B4GALT1: variants seen among roughly 807,000 people sequenced by gnomAD.
B4GALT1 encodes N-acetyllactosamine synthase.
In B4GALT1, 16 loss-of-function variants were observed where a neutral mutation model predicts 34.9. The ratio of observed to expected loss-of-function variants is 0.46; its 90% CI spans 0.31 to 0.70. The LOEUF (loss-of-function observed/expected upper bound fraction) is 0.70, where lower values mean the gene tolerates loss of function less well. Among genes scored for constraint, B4GALT1 ranks in the 30% least tolerant of loss-of-function variants. The probability of loss-of-function intolerance (pLI) is 0.05; values close to 1 mark genes in which losing one functional copy is unlikely to be tolerated. For synonymous variants in B4GALT1, 221 were observed against 218.1 expected, an observed-to-expected ratio of 1.01 and a Z score of -0.12; for missense variants, 445 against 530.5, an observed-to-expected ratio of 0.84 and a Z score of 1.58.
chr9:33,120,351 G>T (rs1440321007), intron 3 of B4GALT1, 68 bp downstream of exon 3: 4 of 1,569,680 alleles, frequency 2.5e-6, no homozygotes, highest in Non-Finnish European at 3.5e-6. Context: ...GAGCTGCCAG[G>T]ACTGCATTTC....
chr9:33,166,995 G>A lies in B4GALT1; in HGVS notation c.175C>T (p.Pro59Ser). The A allele has an allele frequency of 6.3e-7, 1 of 1,593,610 alleles. No individual in the cohort carries two copies. Residue 59 changes from proline (P) to serine (S), a missense_variant, in exon 1 of 6, where the codon CCG becomes TCG. By Grantham distance (74) the Pro-to-Ser change is moderately conservative (BLOSUM62 -1). Around this residue, in one of 3 missense-constraint regions of B4GALT1, gnomAD observed 349 missense variants for 395.5 expected, o/e 0.88. Transcript: ENST00000379731. ...RLPQLVGVST[P>S]LQGGSNSAAA... ...GCACTGTTCGAGCCGCCCTGCAGCGGTGTGGAGACTCCGACCAGTTGGGGC... is the reference window on the plus strand; with the variant it reads ...GCACTGTTCGAGCCGCCCTGCAGCGATGTGGAGACTCCGACCAGTTGGGGC...
intron 1 of B4GALT1, among the ~76,000 whole-genome samples, chr9:33,137,880 G>T (rs931764438): frequency 5.3e-5 from 8 of 152,172 alleles, no homozygotes; most frequent in African/African-American, 1.9e-4. Flanking sequence ...CTGGGCAAAG[G>T]CTACTGGGGG....
At chr9:33,109,074 G>A (rs1359872649), downstream of B4GALT1, among the ~76,000 whole-genome samples, 3 of 152,296 alleles carry the variant, frequency 2.0e-5, no homozygotes, top group South Asian at 4.1e-4. Context: ...CCTGGATGGG[G>A]ACTGGTCACC....
At chr9:33,178,139 G>A in the B4GALT1 span, among the ~76,000 whole-genome samples, 2 of 152,030 alleles carry the variant, frequency 1.3e-5, no homozygotes, top group African/African-American at 4.8e-5. Context: ...CTACAGGTGT[G>A]CGCCACCATT....
At chr9:33,130,027 C>T (rs1029542591) in intron 2 of B4GALT1, among the ~76,000 whole-genome samples, 2 of 152,066 alleles carry the variant, frequency 1.3e-5, no homozygotes, top group African/African-American at 4.8e-5. Context: ...TGGTCAGAAC[C>T]AGAAAAATCC....
At chr9:33,174,496 A>G in the B4GALT1 span, among the ~76,000 whole-genome samples, 1 of 152,048 alleles carries the variant, frequency 6.6e-6, no homozygotes, top group Non-Finnish European at 1.5e-5. Context: ...TGAAAATACA[A>G]AAATTAGCTG....
At chr9:33,142,836 AAACAAAG>A (rs1390891408) in intron 1 of B4GALT1, among the ~76,000 whole-genome samples, 1 of 152,186 alleles carries the variant, frequency 6.6e-6, no homozygotes, top group Non-Finnish European at 1.5e-5. Flanking sequence ...ACAGAGAGAA[AAACAAAG>A]AATTTGCTGA....
At chr9:33,109,851 C>A (rs145335741), downstream of B4GALT1, among the ~76,000 whole-genome samples, 2 of 152,176 alleles carry the variant, frequency 1.3e-5, no homozygotes, top group East Asian at 3.8e-4. Context: ...TATCTAGGGG[C>A]AGAACTGAAG....
Position 33,113,344 on chromosome 9 carries a change from A to G in B4GALT1, c.*110T>C. 6.7e-7 allele frequency: 1 copy of G among 1,498,958 alleles called. No homozygotes were observed. Among genetic ancestry groups the G allele is most frequent in the African/African-American group, 1.4e-5 (1 of 72,694 alleles). The allele number at this position is 1,498,958 out of a possible 1,614,324, so 92.9% of individuals were successfully genotyped here. On this transcript the variant is annotated 3_prime_UTR_variant, in exon 6 of 6. Coordinates refer to ENST00000379731, the MANE Select transcript of B4GALT1 (RefSeq NM_001497.4). ...GCCATCTGAATGATGAGCGAAGGGG[A>G]CCTGTCACTCAGACTGGTAAAAATG...
rs1204014313 is a variant in B4GALT1, at chr9:33,167,108, C to A, written c.62G>T (p.Arg21Leu). ...GACGGCCACGAGCAGGCGGCAGGCC[C>A]GCTGTAGGGACGCGCCTGGCATCGC... is the stretch of plus-strand genomic sequence containing the variant. ...SAAMPGASLQ[R>L]ACRLLVAVCA... The change falls in exon 1 of 6, where the codon CGG becomes CTG. Residue 21 changes from arginine (R) to leucine (L), a missense_variant. Coordinates refer to ENST00000379731, the MANE Select transcript of B4GALT1 (RefSeq NM_001497.4). 2.5e-6 allele frequency: 4 copies of A among 1,604,760 alleles called. No individual in the cohort carries two copies. The highest frequency in any genetic ancestry group is 3.3e-5 in the Admixed American group (2 of 59,710).
At position 33,130,802 on chromosome 9, in the gene B4GALT1, G is replaced by A. The variant is rs555243333; in HGVS notation, c.648+4387C>T. 6.6e-5 allele frequency among the ~76,000 whole-genome samples: 10 copies of A among 152,102 alleles called. No individual in the cohort carries two copies. The East Asian group carries it at 1.8e-3, about 27-fold the overall frequency. On this transcript the variant is annotated intron_variant, in intron 2 of 5. Transcript: ENST00000379731. ...TGACTCCAAGGAGTTCAAACCAATAGGAGGAAGGGTCCTGATGCGGGCCCT... is the reference window on the plus strand; with the variant it reads ...TGACTCCAAGGAGTTCAAACCAATAAGAGGAAGGGTCCTGATGCGGGCCCT...
rs541002138 is a variant in B4GALT1 at position 33,131,265 on chromosome 9, C to T, written c.648+3924G>A. ...GCCCTACTGTTGTCTATGTGACTTT[C>T]GGAGCCTGTCCCTCTCTGAGCCTGT... is the stretch of plus-strand genomic sequence containing the variant. On this transcript the variant is annotated intron_variant, in intron 2 of 5. Transcript: ENST00000379731. Among the ~76,000 whole-genome samples, 97 of 152,282 alleles carry T rather than the reference C, an allele frequency of 6.4e-4. 1 individual carries two copies. In the Middle Eastern group the frequency reaches 0.014, roughly 21 times the overall value.
chr9:33,149,399 G>A (rs533416866), intron 1 of B4GALT1, among the ~76,000 whole-genome samples: 7 of 152,022 alleles, frequency 4.6e-5, no homozygotes, highest in Non-Finnish European at 7.4e-5. Context: ...TTGTGCCTCA[G>A]CCTCCTGAGT....
rs1320123728 is a variant in B4GALT1 at position 33,112,045 on chromosome 9, T to G, written c.*1409A>C. 1 of 152,642 alleles carries G rather than the reference T, an allele frequency of 6.6e-6. No individual in the cohort carries two copies. The highest frequency in any genetic ancestry group is 1.5e-5 in the Non-Finnish European group (1 of 68,080). The allele number at this position is 152,642 out of a possible 1,614,324, so 9.5% of individuals were successfully genotyped here. A position where few individuals can be genotyped will look rare whatever the true frequency, so the allele number is the denominator to read the frequency against. On this transcript the variant is annotated 3_prime_UTR_variant, in exon 6 of 6. Transcript: ENST00000379731. ...TGACCCTGAGTGCCACAGTCAAGTTTTAGGGGACAGGCAAGAGGCAAAGGA... is the reference window on the plus strand; with the variant it reads ...TGACCCTGAGTGCCACAGTCAAGTTGTAGGGGACAGGCAAGAGGCAAAGGA...
the B4GALT1 span, chr9:33,177,438 C>T: frequency 6.6e-6 from 1 of 152,128 alleles, no homozygotes; most frequent in Non-Finnish European, 1.5e-5. Context: ...AAACTAGTTT[C>T]CATGGCCAAA....
intron 1 of B4GALT1, among the ~76,000 whole-genome samples, chr9:33,166,186 T>C (rs1000082987): frequency 2.0e-5 from 3 of 152,054 alleles, no homozygotes; most frequent in Non-Finnish European, 2.9e-5. Flanking sequence ...CACAATATCT[T>C]CCAAAACAAC....
chr9:33,167,275 C>CGGAGCG lies in B4GALT1; in HGVS notation c.-112_-107dup. 7.3e-7 allele frequency: 1 copy of CGGAGCG among 1,360,946 alleles called. No homozygotes were observed. The allele number at this position is 1,360,946 out of a possible 1,614,324, so 84.3% of individuals were successfully genotyped here. On this transcript the variant is annotated 5_prime_UTR_variant, in exon 1 of 6. Coordinates refer to ENST00000379731, the MANE Select transcript of B4GALT1 (RefSeq NM_001497.4). The stretch of plus-strand genomic sequence containing the variant: ...CCACAGCGGCGACTAGGGGAGGGCC[C>CGGAGCG]GGAGCGGGGGCGGGCGAGCGGCTGA...
chr9:33,152,962 G>A (rs1840544641), intron 1 of B4GALT1, among the ~76,000 whole-genome samples: 1 of 152,162 alleles, frequency 6.6e-6, no homozygotes, highest in South Asian at 2.1e-4. Flanking sequence ...TACTCAGGAG[G>A]CTGAGGCAGG....
chr9:33,113,732 C>T, intron 5 of B4GALT1, 42 bp downstream of exon 5: 1 of 1,611,964 alleles, frequency 6.2e-7, no homozygotes. Context: ...CAGCCTACCT[C>T]ATCCTAAAGG....
Sources: gnomAD v4.1 joint callset for allele counts (sites outside exome capture counted in the v4.1 genomes callset) on GRCh38, gnomAD v4.1.1 for gene constraint, gnomAD v4.1.1 regional missense constraint, MANE v1.5 for transcripts, NCBI Gene and HGNC (gene_info 2026-07-23, HGNC 2026-07-21) for gene names.